TMEM108: variants seen among roughly 807,000 people sequenced by gnomAD.
TMEM108 encodes the protein cancer/testis antigen 124.
Under a neutral mutation model 35.1 loss-of-function variants are expected in TMEM108, and 12 were observed. The observed-to-expected ratio is 0.34, with a 90% CI of 0.22 to 0.55. The LOEUF (loss-of-function observed/expected upper bound fraction) is 0.55, where lower values mean the gene tolerates loss of function less well. Ranked by LOEUF, TMEM108 falls within the 20% of genes least tolerant of loss-of-function variation. TMEM108 has a pLI of 0.89. For synonymous variants in TMEM108, 287 were observed against 308.6 expected (o/e 0.93, Z 0.73); for missense variants, 680 against 753.3 (o/e 0.90, Z 1.14).
chr3:133,047,378 T>G (rs13061327), intron 2 of TMEM108, among the ~76,000 whole-genome samples: 13,344 of 152,278 alleles, frequency 0.088, 624 homozygotes, highest in East Asian at 0.17. Flanking sequence ...AGCACTTGGC[T>G]GGTATGTTGC....
At chr3:133,054,839 C>T (rs1326626784) in intron 2 of TMEM108, among the ~76,000 whole-genome samples, 4 of 152,216 alleles carry the variant, frequency 2.6e-5, no homozygotes, top group African/African-American at 9.6e-5. Context: ...GGCTCTTACA[C>T]TTCCCTTCAA....
chr3:133,308,933 A>C (rs1378590456), intron 3 of TMEM108, among the ~76,000 whole-genome samples: 1 of 152,186 alleles, frequency 6.6e-6, no homozygotes, highest in Non-Finnish European at 1.5e-5. Flanking sequence ...TTCAGAAGGA[A>C]TGGTACCAGC....
rs557607365 is a variant in TMEM108 at position 133,327,960 on chromosome 3, C to T, written c.41-51792C>T. Among the ~76,000 whole-genome samples, 31 of 152,236 alleles carry T rather than the reference C, an allele frequency of 2.0e-4. 1 individual carries two copies. Among genetic ancestry groups the T allele is most frequent in the African/African-American group, 5.5e-4 (23 of 41,542 alleles). Reference sequence around the variant, plus strand: ...CATGCTTAACTGATAGCCCCAATTCCGTTTGTTGGACAATTATTCTTCTCC... The same window carrying T: ...CATGCTTAACTGATAGCCCCAATTCTGTTTGTTGGACAATTATTCTTCTCC... On this transcript the variant is annotated intron_variant, in intron 3 of 5. Coordinates refer to ENST00000321871, the MANE Select transcript of TMEM108 (RefSeq NM_023943.4).
intron 2 of TMEM108, among the ~76,000 whole-genome samples, chr3:133,221,843 A>T (rs756944883): frequency 2.6e-5 from 4 of 151,784 alleles, no homozygotes; most frequent in Non-Finnish European, 4.4e-5. Flanking sequence ...TAAATTTTTG[A>T]TGTTACAGTT....
intron 3 of TMEM108, among the ~76,000 whole-genome samples, chr3:133,272,212 G>C (rs1051803308): frequency 6.6e-6 from 1 of 151,924 alleles, no homozygotes; most frequent in Non-Finnish European, 1.5e-5. Flanking sequence ...GGGTAATGGG[G>C]CGGAGGGGTA....
At chr3:133,173,100 A>G (rs28552867) in intron 2 of TMEM108, among the ~76,000 whole-genome samples, 41,373 of 152,096 alleles carry the variant, frequency 0.27, 6,009 homozygotes, top group Middle Eastern at 0.38. Context: ...TACCACACCA[A>G]TGTAAAAAAG....
intron 3 of TMEM108, among the ~76,000 whole-genome samples, chr3:133,279,711 G>A (rs1210871234): frequency 6.6e-6 from 1 of 152,184 alleles, no homozygotes; most frequent in African/African-American, 2.4e-5. Context: ...GCACTTTATA[G>A]ATATTAGGTG....
rs992158976 is a variant in TMEM108, at chr3:133,198,755, T to C, written c.-46-30511T>C. Reference sequence around the variant, plus strand: ...TTTCTCCTCAAGATTTCCTCTATTATGTGTCTTGGCATTGCTCTTCTCGAG... The same window carrying C: ...TTTCTCCTCAAGATTTCCTCTATTACGTGTCTTGGCATTGCTCTTCTCGAG... On this transcript the variant is annotated intron_variant, in intron 2 of 5. Coordinates refer to ENST00000321871, the MANE Select transcript of TMEM108 (RefSeq NM_023943.4). 3.3e-5 allele frequency among the ~76,000 whole-genome samples: 5 copies of C among 152,360 alleles called. No homozygotes were observed. In the South Asian group the frequency reaches 8.3e-4, roughly 25 times the overall value.
At chr3:133,386,631 C>T (rs2073154327) in intron 4 of TMEM108, 1 of 1,425,564 alleles carries the variant, frequency 7.0e-7, no homozygotes. Flanking sequence ...TGACCTCCTC[C>T]AGAGTCTTGA....
intron 5 of TMEM108, 114 bp from the exon 6 acceptor site, chr3:133,395,750 T>C (rs2107867116): frequency 8.7e-7 from 1 of 1,147,312 alleles, no homozygotes; most frequent in Non-Finnish European, 1.2e-6. Flanking sequence ...ATGATGAAAA[T>C]GTGCACCAAG....
intron 2 of TMEM108, among the ~76,000 whole-genome samples, chr3:133,127,245 A>C (rs1944428799): frequency 6.6e-6 from 1 of 152,224 alleles, no homozygotes. Context: ...TTTAAATTTA[A>C]CTTTAATAAA....
rs534528190 is a variant in TMEM108 at position 133,228,760 on chromosome 3, T to G, written c.-46-506T>G. ...ATTTTCTTGTTTATTTTTATCTGTA[T>G]TTTCTGTTTACTTTTTCTAAATAAT... On this transcript the variant is annotated intron_variant, in intron 2 of 5. Coordinates refer to ENST00000321871, the MANE Select transcript of TMEM108 (RefSeq NM_023943.4). 2.6e-5 allele frequency among the ~76,000 whole-genome samples: 4 copies of G among 152,334 alleles called. No homozygotes were observed. The South Asian group carries it at 6.2e-4, about 24-fold the overall frequency.
intron 2 of TMEM108, among the ~76,000 whole-genome samples, chr3:133,176,701 C>T (rs767649156): frequency 8.0e-5 from 12 of 150,858 alleles, no homozygotes; most frequent in Non-Finnish European, 1.8e-4. Context: ...ACTAAATGCC[C>T]ACAAGAGAAA....
Position 133,390,478 on chromosome 3 carries a change from G to A in TMEM108, c.1605+144G>A, listed in dbSNP as rs150961475. 6,440 of 914,768 alleles carry A rather than the reference G, an allele frequency of 7.0e-3. 30 individuals are homozygous for A. The highest frequency in any genetic ancestry group is 9.5e-3 in the Non-Finnish European group (5,754 of 603,594). 56.7% of individuals were successfully genotyped at this position (914,768 alleles called of 1,614,324 possible). A position where few individuals can be genotyped will look rare whatever the true frequency, so the allele number is the denominator to read the frequency against. On this transcript the variant is annotated intron_variant, in intron 5 of 5. Transcript: ENST00000321871. ...ATCAATAACACCCAAGAGGTTGTAGGCCCTACCCTGGTCCTACTGAGCCAG... is the reference window on the plus strand; with the variant it reads ...ATCAATAACACCCAAGAGGTTGTAGACCCTACCCTGGTCCTACTGAGCCAG...
At chr3:133,140,988 G>A (rs1047886819) in intron 2 of TMEM108, among the ~76,000 whole-genome samples, 1 of 152,170 alleles carries the variant, frequency 6.6e-6, no homozygotes, top group Admixed American at 6.5e-5. Flanking sequence ...AGTAGACTAG[G>A]GGAGAGGTAC....
chr3:133,385,567 C>G (rs1053332057), intron 4 of TMEM108, among the ~76,000 whole-genome samples: 15 of 152,226 alleles, frequency 9.9e-5, no homozygotes, highest in African/African-American at 3.6e-4. Flanking sequence ...AGCCCAGGTG[C>G]ACCCCTCCCA....
At chr3:133,126,873 T>A (rs953554847) in intron 2 of TMEM108, among the ~76,000 whole-genome samples, 1 of 152,204 alleles carries the variant, frequency 6.6e-6, no homozygotes, top group South Asian at 2.1e-4. Context: ...GTAAATGCTA[T>A]GTAAATAATT....
rs150276881 is a variant in TMEM108 at position 133,052,709 on chromosome 3, T to C, written c.-47+6689T>C. On this transcript the variant is annotated intron_variant, in intron 2 of 5. Transcript: ENST00000321871. ...CTTTCTTACCCATTTTTTTCTGCCC[T>C]AAATGTTGGAGGGGGCTCAGTTTTC... Among the ~76,000 whole-genome samples, 1,512 of 152,174 alleles carry C rather than the reference T, an allele frequency of 9.9e-3. 13 individuals carry two copies. Among genetic ancestry groups the C allele is most frequent in the Non-Finnish European group, 0.015 (997 of 67,996 alleles).
At chr3:133,129,455 G>A (rs945281244) in intron 2 of TMEM108, among the ~76,000 whole-genome samples, 3 of 151,272 alleles carry the variant, frequency 2.0e-5, no homozygotes, top group Non-Finnish European at 4.4e-5. Context: ...AGTTAAATTT[G>A]CTCAAATATT....
Sources: gnomAD v4.1 joint callset for allele counts (sites outside exome capture counted in the v4.1 genomes callset) on GRCh38, gnomAD v4.1.1 for gene constraint, MANE v1.5 for transcripts, NCBI Gene and HGNC (gene_info 2026-07-23, HGNC 2026-07-21) for gene names.